The following RAP1A variants were observed in gnomAD, a reference collection of about 807,000 sequenced individuals.
RAP1A encodes the protein ras-related protein Rap-1A.
In RAP1A, 6 loss-of-function variants were observed where a neutral mutation model predicts 26.4. The ratio of observed to expected loss-of-function variants is 0.23; its 90% CI spans 0.12 to 0.45. The LOEUF (loss-of-function observed/expected upper bound fraction) is 0.45. RAP1A is among the 20% of genes least tolerant of loss of function. The probability of loss-of-function intolerance (pLI) is 0.99; values close to 1 mark genes in which losing one functional copy is unlikely to be tolerated. For synonymous variants in RAP1A, 73 were observed against 79.4 expected (o/e 0.92, Z 0.43); for missense variants, 121 against 217.2 (o/e 0.56, Z 2.78).
At chr1:111,614,001 T>C (rs1658973652) in intron 1 of RAP1A, among the ~76,000 whole-genome samples, 2 of 152,258 alleles carry the variant, frequency 1.3e-5, no homozygotes, top group Non-Finnish European at 2.9e-5. Context: ...GAACCTACTA[T>C]ATTCTTGTTA....
intron 1 of RAP1A, among the ~76,000 whole-genome samples, chr1:111,620,835 A>C (rs886155410): frequency 5.9e-5 from 9 of 152,178 alleles, no homozygotes; most frequent in African/African-American, 2.2e-4. Context: ...CGGTGTCTTC[A>C]GCCGAGTTGT....
At chr1:111,563,760 A>G in intron 1 of RAP1A, 3 of 950,372 alleles carry the variant, frequency 3.2e-6, no homozygotes, top group Non-Finnish European at 5.0e-6. Flanking sequence ...GCCCCATATC[A>G]TGAATAAATG....
chr1:111,589,398 A>G (rs1266979683), intron 1 of RAP1A, among the ~76,000 whole-genome samples: 1 of 152,216 alleles, frequency 6.6e-6, no homozygotes, highest in Non-Finnish European at 1.5e-5. Flanking sequence ...TAGGCAACAT[A>G]GCAAGATTCT....
intron 1 of RAP1A, among the ~76,000 whole-genome samples, chr1:111,591,636 G>A (rs1413979856): frequency 3.9e-5 from 6 of 152,118 alleles, no homozygotes; most frequent in Admixed American, 3.9e-4. Context: ...TGTTATTAAA[G>A]CTTTTTTTAA....
At chr1:111,585,802 A>T (rs1658355566) in intron 1 of RAP1A, among the ~76,000 whole-genome samples, 1 of 152,214 alleles carries the variant, frequency 6.6e-6, no homozygotes, top group African/African-American at 2.4e-5. Context: ...GACACATTTA[A>T]TTATAAGATA....
intron 1 of RAP1A, among the ~76,000 whole-genome samples, chr1:111,572,807 T>C: frequency 6.6e-6 from 1 of 152,168 alleles, no homozygotes; most frequent in Non-Finnish European, 1.5e-5. Flanking sequence ...GGTAAACTCG[T>C]GTCACAGAGG....
chr1:111,577,676 C>A (rs1658174171), intron 1 of RAP1A, among the ~76,000 whole-genome samples: 1 of 152,170 alleles, frequency 6.6e-6, no homozygotes, highest in East Asian at 1.9e-4. Context: ...CTTAACCTCT[C>A]TGAAGTCTCA....
intron 1 of RAP1A, among the ~76,000 whole-genome samples, chr1:111,613,766 C>T (rs2101081581): frequency 6.6e-6 from 1 of 152,194 alleles, no homozygotes; most frequent in East Asian, 1.9e-4. Context: ...ATTCTAAATG[C>T]TTACTCTCAC....
intron 1 of RAP1A, among the ~76,000 whole-genome samples, chr1:111,560,934 C>T (rs1657713783): frequency 6.6e-6 from 1 of 152,210 alleles, no homozygotes; most frequent in Non-Finnish European, 1.5e-5. Context: ...AACAACCGCA[C>T]CAGATCTCTG....
At chr1:111,635,496 A>C (rs553534097) in intron 1 of RAP1A, among the ~76,000 whole-genome samples, 2 of 152,340 alleles carry the variant, frequency 1.3e-5, no homozygotes, top group East Asian at 3.9e-4. Flanking sequence ...CCTGAGGTAC[A>C]AGAAGCACTT....
In RAP1A at chr1:111,597,784, C is replaced by T. The variant is rs548718820; in HGVS notation, c.-28+55275C>T. 1.8e-4 allele frequency among the ~76,000 whole-genome samples: 28 copies of T among 152,276 alleles called. No homozygotes were observed. The South Asian group carries it at 5.6e-3, about 30-fold the overall frequency. On this transcript the variant is annotated intron_variant, in intron 1 of 7. Coordinates refer to the RAP1A transcript ENST00000356415. ...GGGAACTTTCCTCTGACCAGCAACA[C>T]TCAACAGGGGAGACATTCTAGGTCT...
chr1:111,564,713 C>T (rs377246730), intron 1 of RAP1A, among the ~76,000 whole-genome samples: 3 of 151,738 alleles, frequency 2.0e-5, no homozygotes, highest in East Asian at 2.0e-4. Context: ...GGGGTTTCAC[C>T]GAGTCAGCCA....
At chr1:111,584,141 C>G (rs1198986973) in intron 1 of RAP1A, among the ~76,000 whole-genome samples, 1 of 152,052 alleles carries the variant, frequency 6.6e-6, no homozygotes, top group African/African-American at 2.4e-5. Flanking sequence ...CTCGGCCTCT[C>G]AAAGTGTTGG....
chr1:111,584,364 A>G (rs928575292), intron 1 of RAP1A, among the ~76,000 whole-genome samples: 3 of 152,134 alleles, frequency 2.0e-5, no homozygotes, highest in Non-Finnish European at 4.4e-5. Context: ...TACTGCTAAT[A>G]GTTCTGGAGA....
intron 6 of RAP1A, among the ~76,000 whole-genome samples, chr1:111,706,115 A>G (rs1038926589): frequency 3.3e-5 from 5 of 152,256 alleles, no homozygotes; most frequent in African/African-American, 1.2e-4. Context: ...GTTTATAAAA[A>G]CAAACATAGA....
intron 1 of RAP1A, among the ~76,000 whole-genome samples, chr1:111,610,646 ATTGT>A (rs1481306805): frequency 3.3e-5 from 5 of 151,752 alleles, no homozygotes; most frequent in Non-Finnish European, 7.4e-5. Flanking sequence ...AGGTTGTATC[ATTGT>A]TTGGAAGTTA....
intron 6 of RAP1A, among the ~76,000 whole-genome samples, chr1:111,705,851 G>A (rs1279363359): frequency 6.6e-6 from 1 of 152,200 alleles, no homozygotes; most frequent in South Asian, 2.1e-4. Flanking sequence ...GGCCTTACGG[G>A]ATGTGGTTCC....
At chr1:111,701,969 T>C (rs1662035261) in intron 4 of RAP1A, among the ~76,000 whole-genome samples, 1 of 152,084 alleles carries the variant, frequency 6.6e-6, no homozygotes, top group Non-Finnish European at 1.5e-5. Flanking sequence ...CTGGCAGCAG[T>C]ATAGGAAGCT....
At chr1:111,560,000 C>A (rs542575301) in intron 1 of RAP1A, among the ~76,000 whole-genome samples, 1 of 152,318 alleles carries the variant, frequency 6.6e-6, no homozygotes, top group East Asian at 1.9e-4. Flanking sequence ...CTTGACACAT[C>A]AAACACTGAG....
Sources: allele counts gnomAD v4.1 joint callset (sites outside exome capture counted in the v4.1 genomes callset), GRCh38; gene constraint gnomAD v4.1.1; transcripts MANE v1.5; gene names NCBI Gene and HGNC (gene_info 2026-07-23, HGNC 2026-07-21).